The following GRID2 variants were observed in gnomAD, a reference collection of about 807,000 sequenced individuals.
GRID2 encodes the protein glutamate receptor ionotropic, delta-2.
In GRID2, 33 loss-of-function variants were observed where a neutral mutation model predicts 114.8. The observed-to-expected ratio is 0.29, with a 90% CI of 0.22 to 0.38. GRID2 has a LOEUF of 0.38. Among genes scored for constraint, GRID2 ranks in the 10% least tolerant of loss-of-function variants. The pLI, the probability that GRID2 is intolerant of heterozygous loss-of-function variation, is 1.00. For missense variants in GRID2, 1,184 were observed against 1,257.7 expected (o/e 0.94, Z 0.89); for synonymous variants, 505 against 449.9 (o/e 1.12, Z -1.55).
At chr4:93,069,438 A>G (rs1235501459) in intron 2 of GRID2, among the ~76,000 whole-genome samples, 1 of 152,026 alleles carries the variant, frequency 6.6e-6, no homozygotes, top group Non-Finnish European at 1.5e-5. Context: ...AAGGCATATT[A>G]TAAATAGATT....
chr4:92,961,379 AT>A (rs34933712), intron 2 of GRID2, among the ~76,000 whole-genome samples: 3,478 of 137,480 alleles, frequency 0.025, 44 homozygotes, highest in East Asian at 0.058. Context: ...ATCCCCTCAA[AT>A]TTTTTTTTTT....
chr4:92,809,311 A>G (rs1211252571), intron 2 of GRID2, among the ~76,000 whole-genome samples: 1 of 152,030 alleles, frequency 6.6e-6, no homozygotes, highest in African/African-American at 2.4e-5. Flanking sequence ...TTGAACCTGC[A>G]TAAAAAATTC....
At chr4:92,494,475 CAT>C (rs1215399257) in intron 1 of GRID2, among the ~76,000 whole-genome samples, 1 of 151,888 alleles carries the variant, frequency 6.6e-6, no homozygotes, top group Non-Finnish European at 1.5e-5. Flanking sequence ...TTACATGTCA[CAT>C]GAGAAAAATA....
rs553229546 is a variant in GRID2, at chr4:93,459,253, A to C, written c.1858+3279A>C. Among the ~76,000 whole-genome samples, 73 of 151,634 alleles carry C rather than the reference A, an allele frequency of 4.8e-4. 1 individual carries two copies. Among genetic ancestry groups the C allele is most frequent in the South Asian group, 3.1e-3 (15 of 4,784 alleles). On this transcript the variant is annotated intron_variant, in intron 11 of 15. Transcript: ENST00000282020. Reference sequence around the variant, plus strand: ...GTAGTAGAGGTCTCAATAAGATTACAGAAAAAGAGTGAAAACATAATTATA... The same window carrying C: ...GTAGTAGAGGTCTCAATAAGATTACCGAAAAAGAGTGAAAACATAATTATA...
chr4:93,039,235 G>A (rs757185973), intron 2 of GRID2, among the ~76,000 whole-genome samples: 5 of 151,462 alleles, frequency 3.3e-5, no homozygotes, highest in Admixed American at 6.6e-5. Flanking sequence ...ACCAAACACC[G>A]CATGTTGTCA....
chr4:92,957,122 G>T (rs1316844771), intron 2 of GRID2, among the ~76,000 whole-genome samples: 1 of 151,990 alleles, frequency 6.6e-6, no homozygotes, highest in Non-Finnish European at 1.5e-5. Context: ...TCTCTTGACA[G>T]TATCTTTCAC....
intron 8 of GRID2, among the ~76,000 whole-genome samples, chr4:93,290,172 T>C (rs1753585905): frequency 6.6e-6 from 1 of 152,190 alleles, no homozygotes; most frequent in Admixed American, 6.5e-5. Flanking sequence ...CTTTACAGTA[T>C]GTTAAAAATA....
At position 93,798,480 on chromosome 4, in the gene GRID2, G is replaced by A. The variant is rs188836277; in HGVS notation, c.222-8235G>A. Among the ~76,000 whole-genome samples the A allele has an allele frequency of 2.3e-4, 35 of 152,244 alleles. No individual in the cohort carries two copies. The East Asian group carries it at 6.8e-3, about 29-fold the overall frequency. ...CAGGATCTTGGCACAAACCTGGTTG[G>A]AGGGAAAGGTGAATGAAAACCTTGG... On this transcript the variant is annotated intron_variant, in intron 1 of 1. Transcript: ENST00000637838.
chr4:93,550,617 T>C (rs1733663680), intron 13 of GRID2, among the ~76,000 whole-genome samples: 1 of 152,182 alleles, frequency 6.6e-6, no homozygotes, highest in South Asian at 2.1e-4. Context: ...GACTATTCAC[T>C]AGCCTAATAT....
intron 8 of GRID2, among the ~76,000 whole-genome samples, chr4:93,316,340 G>GAAAGAAAGAAAGAAAGAAAGAAAGA (rs879295418): frequency 8.1e-6 from 1 of 123,750 alleles, no homozygotes; most frequent in Non-Finnish European, 1.8e-5. Context: ...AAGAAAGAAA[G>GAAAGAAAGAAAGAAAGAAAGAAAGA]AAGGAAGGAA....
chr4:92,688,048 T>C lies in GRID2; in HGVS notation c.244+97762T>C, dbSNP rs1271006067. ...TGACCCTTCTTCTTCTTTTTTTTTT[T>C]TTTTTTTTTTTTTTTTTTGGGATGG... On this transcript the variant is annotated intron_variant, in intron 2 of 15. Transcript: ENST00000282020. Among the ~76,000 whole-genome samples, 46 of 122,394 alleles carry C rather than the reference T, an allele frequency of 3.8e-4. 5 individuals carry two copies. The East Asian group carries it at 0.011, about 29-fold the overall frequency. The allele number at this position is 122,394 out of a possible 152,430, so 80.3% of individuals were successfully genotyped here. A position where few individuals can be genotyped will look rare whatever the true frequency, so the allele number is the denominator to read the frequency against.
intron 2 of GRID2, among the ~76,000 whole-genome samples, chr4:92,780,261 G>C (rs1204253978): frequency 6.6e-6 from 1 of 152,062 alleles, no homozygotes; most frequent in Non-Finnish European, 1.5e-5. Context: ...TATTTTTGTT[G>C]TTGTTGAGTT....
At chr4:92,860,806 T>C (rs1744476755) in intron 2 of GRID2, among the ~76,000 whole-genome samples, 1 of 152,050 alleles carries the variant, frequency 6.6e-6, no homozygotes, top group Admixed American at 6.6e-5. Flanking sequence ...GTTATCAATA[T>C]TAAATATTTA....
At chr4:92,855,947 G>A (rs936724674) in intron 2 of GRID2, among the ~76,000 whole-genome samples, 6 of 151,938 alleles carry the variant, frequency 3.9e-5, no homozygotes, top group South Asian at 4.2e-4. Flanking sequence ...ATCATGTCAC[G>A]CGATGTTTCA....
At chr4:93,618,145 T>A (rs956314848) in intron 13 of GRID2, among the ~76,000 whole-genome samples, 5 of 152,180 alleles carry the variant, frequency 3.3e-5, no homozygotes, top group Admixed American at 3.3e-4. Flanking sequence ...AGCATTTCCG[T>A]CAATTCATCT....
chr4:93,412,525 A>T (rs886205331), intron 9 of GRID2, among the ~76,000 whole-genome samples: 4 of 152,196 alleles, frequency 2.6e-5, no homozygotes, highest in Non-Finnish European at 2.9e-5. Flanking sequence ...GATTATTTAG[A>T]TGTACAATTA....
intron 3 of GRID2, among the ~76,000 whole-genome samples, chr4:93,108,734 G>A (rs1024368542): frequency 9.2e-5 from 14 of 151,616 alleles, no homozygotes; most frequent in Admixed American, 2.0e-4. Context: ...GGGTTCAAGC[G>A]ATTCTTCTGC....
chr4:92,738,417 T>C (rs933947657), intron 2 of GRID2, among the ~76,000 whole-genome samples: 4 of 152,112 alleles, frequency 2.6e-5, no homozygotes, highest in African/African-American at 9.7e-5. Context: ...GGCTGTTTCC[T>C]TGGTTGTTGC....
intron 1 of GRID2, among the ~76,000 whole-genome samples, chr4:93,786,356 C>A (rs1055131300): frequency 6.6e-6 from 1 of 152,100 alleles, no homozygotes; most frequent in Non-Finnish European, 1.5e-5. Context: ...GAAATGGGAT[C>A]CCAGGAGGGT....
Sources: gnomAD v4.1 joint callset for allele counts (sites outside exome capture counted in the v4.1 genomes callset) on GRCh38, gnomAD v4.1.1 for gene constraint, MANE v1.5 for transcripts, NCBI Gene and HGNC (gene_info 2026-07-23, HGNC 2026-07-21) for gene names.